Variants in LEMD3 observed in about 807,000 individuals in gnomAD.
LEMD3 encodes the protein LEM domain containing 3.
A neutral mutation model predicts 95.2 loss-of-function variants in LEMD3; 33 were observed. That is an observed-to-expected ratio of 0.35 (90% CI 0.26 to 0.46). LEMD3 has a LOEUF of 0.46. Among genes scored for constraint, LEMD3 ranks in the 20% least tolerant of loss-of-function variants. The pLI is 1.00. For synonymous variants in LEMD3, 525 were observed against 474.6 expected, an observed-to-expected ratio of 1.11 and a Z score of -1.38; for missense variants, 1,210 against 1,192.8, an observed-to-expected ratio of 1.01 and a Z score of -0.21.
Position 65,170,691 on chromosome 12 carries a change from C to G in LEMD3, c.1095C>G (p.Thr365=). The change falls in exon 1 of 13, where the codon ACC becomes ACG. Residue 365 remains threonine, a synonymous_variant. Transcript: ENST00000308330. The part of the protein sequence containing the change: ...PRYRVNAKKL[T]PLLPPPLTDM... Reference sequence around the variant, plus strand: ...ACCGTGTTAACGCTAAGAAACTGACCCCTCTCCTGCCCCCGCCACTTACTG... The same window carrying G: ...ACCGTGTTAACGCTAAGAAACTGACGCCTCTCCTGCCCCCGCCACTTACTG... 6.2e-6 allele frequency: 10 copies of G among 1,614,170 alleles called. No individual in the cohort carries two copies. In the African/African-American group the frequency reaches 1.1e-4, roughly 17 times the overall value.
chr12:65,205,203 A>C (rs555799166), intron 1 of LEMD3, among the ~76,000 whole-genome samples: 1 of 152,034 alleles, frequency 6.6e-6, no homozygotes, highest in Non-Finnish European at 1.5e-5. Context: ...CCATGATCCA[A>C]TCACCTCCCA....
In LEMD3 at chr12:65,246,572, G is replaced by A. The variant is rs202237128; in HGVS notation, c.*247G>A. On this transcript the variant is annotated 3_prime_UTR_variant, in exon 13 of 13. Transcript: ENST00000308330. ...CCAATACATTTAAAGTTTTGCATGA[G>A]GAACACTGACTTTATTAAGCATTTT... 4 of 465,978 alleles carry A rather than the reference G, an allele frequency of 8.6e-6. No individual in the cohort carries two copies. The East Asian group carries it at 1.6e-4, about 18-fold the overall frequency. The allele number at this position is 465,978 out of a possible 1,614,324, so 28.9% of individuals were successfully genotyped here.
At chr12:65,221,335 A>AT (rs1870281512) in intron 4 of LEMD3, among the ~76,000 whole-genome samples, 1 of 152,028 alleles carries the variant, frequency 6.6e-6, no homozygotes, top group Admixed American at 6.6e-5. Flanking sequence ...AATGTAACTG[A>AT]TTTTTGTATA....
chr12:65,211,497 AAAT>A (rs1384051694), intron 2 of LEMD3, among the ~76,000 whole-genome samples: 2 of 152,210 alleles, frequency 1.3e-5, no homozygotes, highest in African/African-American at 4.8e-5. Context: ...ACTTATATAA[AAAT>A]ATTTTTCACT....
At chr12:65,205,992 C>G (rs1869751142) in intron 1 of LEMD3, among the ~76,000 whole-genome samples, 1 of 152,088 alleles carries the variant, frequency 6.6e-6, no homozygotes, top group South Asian at 2.1e-4. Flanking sequence ...TTTCAGAAAA[C>G]AAATGGGCAT....
intron 1 of LEMD3, among the ~76,000 whole-genome samples, chr12:65,196,577 C>G (rs7953407): frequency 0.038 from 5,707 of 152,074 alleles, 352 homozygotes; most frequent in African/African-American, 0.13. Flanking sequence ...TGATTCACAG[C>G]CTTCTCAAAC....
chr12:65,201,186 G>A (rs1413293973), intron 1 of LEMD3, among the ~76,000 whole-genome samples: 1 of 152,112 alleles, frequency 6.6e-6, no homozygotes, highest in African/African-American at 2.4e-5. Flanking sequence ...ATACCACACT[G>A]TCTAGATTAT....
At chr12:65,189,716 G>C (rs929926269) in intron 1 of LEMD3, among the ~76,000 whole-genome samples, 4 of 152,180 alleles carry the variant, frequency 2.6e-5, no homozygotes, top group African/African-American at 9.7e-5. Flanking sequence ...AATAGGTCTA[G>C]TCTCATTAAA....
At position 65,213,404 on chromosome 12, in the gene LEMD3, T is replaced by C. The variant is rs147103197; in HGVS notation, c.1560+2441T>C. Among the ~76,000 whole-genome samples, 226 of 152,240 alleles carry C rather than the reference T, an allele frequency of 1.5e-3. 6 individuals are homozygous for C. In the South Asian group the frequency reaches 0.033, roughly 22 times the overall value. ...CCACACCCAGCTAAATTTTGTATTT[T>C]TTTGTAGAGATGGGGTTTTGCCACA... On this transcript the variant is annotated intron_variant, in intron 2 of 12. Coordinates refer to ENST00000308330, the MANE Select transcript of LEMD3 (RefSeq NM_014319.5).
chr12:65,169,709 T>G lies in LEMD3; in HGVS notation c.113T>G (p.Val38Gly). 1 of 1,586,100 alleles carries G rather than the reference T, an allele frequency of 6.3e-7. No homozygotes were observed. Among genetic ancestry groups the G allele is most frequent in the Non-Finnish European group, 8.6e-7 (1 of 1,166,622 alleles). Residue 38 changes from valine to glycine, a missense_variant, in exon 1 of 13, where the codon GTC becomes GGC. Transcript: ENST00000308330. ...PGPVTESTRP[V>G]YLKKLKKLRE... ...CCAGTGACGGAGAGCACCCGCCCGG[T>G]CTACCTCAAGAAGCTGAAGAAGCTT...
At position 65,240,561 on chromosome 12, in the gene LEMD3, GTTTT is replaced by G. The variant is rs1477029139; in HGVS notation, c.2126+326_2126+329del. 1.5e-5 allele frequency: 6 copies of G among 405,498 alleles called. No individual in the cohort carries two copies. The Admixed American group carries it at 2.1e-4, about 14-fold the overall frequency. 25.1% of individuals were successfully genotyped at this position (405,498 alleles called of 1,614,324 possible). On this transcript the variant is annotated intron_variant, in intron 8 of 12. Coordinates refer to ENST00000308330, the MANE Select transcript of LEMD3 (RefSeq NM_014319.5). ...AGCCAGTGGCTGGTGTTTTACTAAT[GTTTT>G]TTAAGTACTAACTTTATTATTAATG...
intron 3 of LEMD3, among the ~76,000 whole-genome samples, chr12:65,216,688 T>C (rs1870121593): frequency 6.6e-6 from 1 of 151,988 alleles, no homozygotes; most frequent in African/African-American, 2.4e-5. Context: ...TAAGCAGGCA[T>C]AAGAAAAGAA....
chr12:65,247,880 G>A lies in LEMD3; in HGVS notation c.*1555G>A, dbSNP rs1871163260. ...TAAAAAATGATTTGTTATCTGAAGA[G>A]AATAAATTTTAAATTCTCAGTTTAT... On this transcript the variant is annotated 3_prime_UTR_variant, in exon 13 of 13. Transcript: ENST00000308330. 1.3e-5 allele frequency: 2 copies of A among 152,440 alleles called. No individual in the cohort carries two copies. The highest frequency in any genetic ancestry group is 4.1e-4 in the South Asian group (2 of 4,820). The allele number at this position is 152,440 out of a possible 1,614,324, so 9.4% of individuals were successfully genotyped here. A position where few individuals can be genotyped will look rare whatever the true frequency, so the allele number is the denominator to read the frequency against.
Position 65,169,787 on chromosome 12 carries a change from G to A in LEMD3, c.191G>A (p.Arg64Gln). The A allele has an allele frequency of 1.3e-6, 2 of 1,572,232 alleles. No homozygotes were observed. The highest frequency in any genetic ancestry group is 1.7e-6 in the Non-Finnish European group (2 of 1,157,944). ...TCAGGGGGCCGCGGCAACAAGACGC[G>A]GAACAGTAATAACAATAACACGGCA... ...HRSGGRGNKT[R>Q]NSNNNNTAAA... The change falls in exon 1 of 13, where the codon CGG becomes CAG. Residue 64 changes from arginine to glutamine, a missense_variant. By Grantham distance (43) the Arg-to-Gln change is conservative. Coordinates refer to ENST00000308330, the MANE Select transcript of LEMD3 (RefSeq NM_014319.5).
At chr12:65,211,244 G>A (rs1869929642) in intron 2 of LEMD3, among the ~76,000 whole-genome samples, 1 of 152,120 alleles carries the variant, frequency 6.6e-6, no homozygotes, top group Admixed American at 6.5e-5. Flanking sequence ...CTACTGCCAA[G>A]TAAAATGGGA....
chr12:65,181,208 A>G (rs1196807396), intron 1 of LEMD3, among the ~76,000 whole-genome samples: 1 of 152,168 alleles, frequency 6.6e-6, no homozygotes, highest in Non-Finnish European at 1.5e-5. Flanking sequence ...CAGCCTTATT[A>G]AGGACTTCCT....
At chr12:65,178,234 A>G (rs1565779213) in intron 1 of LEMD3, among the ~76,000 whole-genome samples, 2 of 152,170 alleles carry the variant, frequency 1.3e-5, no homozygotes, top group South Asian at 2.1e-4. Flanking sequence ...AAAAAATCCT[A>G]GATCTATGAG....
At chr12:65,211,981 G>A (rs1285260192) in intron 2 of LEMD3, among the ~76,000 whole-genome samples, 2 of 152,156 alleles carry the variant, frequency 1.3e-5, no homozygotes, top group African/African-American at 4.8e-5. Context: ...GTATTAGTCT[G>A]TTCTCATGCT....
chr12:65,222,529 A>G (rs899004833), intron 4 of LEMD3, among the ~76,000 whole-genome samples: 8 of 152,160 alleles, frequency 5.3e-5, no homozygotes, highest in African/African-American at 1.9e-4. Context: ...TAAAATAGAT[A>G]ATAAACTCAG....
Sources: allele counts gnomAD v4.1 joint callset (sites outside exome capture counted in the v4.1 genomes callset), GRCh38; gene constraint gnomAD v4.1.1; transcripts MANE v1.5; gene names NCBI Gene and HGNC (gene_info 2026-07-23, HGNC 2026-07-21).